COL13A1: variants seen among roughly 807,000 people sequenced by gnomAD.
COL13A1 encodes the protein collagen type XIII alpha 1 chain.
Under a neutral mutation model 130.9 loss-of-function variants are expected in COL13A1, and 89 were observed. The observed-to-expected ratio is 0.68, with a 90% CI of 0.57 to 0.81. The LOEUF is 0.81. COL13A1 is among the 30% of genes least tolerant of loss of function. The pLI, the probability that COL13A1 is intolerant of heterozygous loss-of-function variation, is 0.00. For missense variants in COL13A1, 879 were observed against 934.6 expected (o/e 0.94, Z 0.78); for synonymous variants, 402 against 341.6 (o/e 1.18, Z -1.95).
chr10:69,866,193 G>A (rs2058495862), intron 2 of COL13A1, among the ~76,000 whole-genome samples: 1 of 152,194 alleles, frequency 6.6e-6, no homozygotes, highest in Admixed American at 6.5e-5. Context: ...GGCTGCATCT[G>A]GTGACACCTA....
intron 17 of COL13A1, among the ~76,000 whole-genome samples, chr10:69,909,945 A>T (rs2135347028): frequency 6.6e-6 from 1 of 152,310 alleles, no homozygotes; most frequent in African/African-American, 2.4e-5. Context: ...ACAGCTAGTA[A>T]ACAGCCATGC....
chr10:69,943,384 G>T (rs1285112314), intron 35 of COL13A1, among the ~76,000 whole-genome samples: 2 of 152,224 alleles, frequency 1.3e-5, no homozygotes, highest in Non-Finnish European at 2.9e-5. Context: ...ACTTGGTCTG[G>T]CCAGGCTGTG....
intron 2 of COL13A1, among the ~76,000 whole-genome samples, chr10:69,847,333 T>A (rs1853434107): frequency 6.6e-6 from 1 of 152,238 alleles, no homozygotes; most frequent in South Asian, 2.1e-4. Flanking sequence ...CATACCATTC[T>A]GTCTCCAAAA....
Position 69,902,848 on chromosome 10 carries a change from G to T in COL13A1, c.851G>T (p.Gly284Val). 2 of 1,532,904 alleles carry T rather than the reference G, an allele frequency of 1.3e-6. No homozygotes were observed. The highest frequency in any genetic ancestry group is 1.8e-6 in the Non-Finnish European group (2 of 1,136,692). The allele number at this position is 1,532,904 out of a possible 1,614,324, so 95.0% of individuals were successfully genotyped here. The change falls in exon 15 of 41, where the codon GGG becomes GTG. Residue 284 changes from glycine (G) to valine (V), a missense_variant. By Grantham distance (109) the Gly-to-Val change is moderately radical. Around this residue, in one of 3 missense-constraint regions of COL13A1, gnomAD observed 715 missense variants for 721.0 expected, o/e 0.99. Transcript: ENST00000645393. ...LGHPGLPGPM[G>V]PPGLPGPPGP... ...CACCCAGGACTGCCAGGGCCTATGG[G>T]GCCACCTGTAAGTATTCCCTTCCTC...
At chr10:69,837,847 T>C (rs1850516553) in intron 2 of COL13A1, among the ~76,000 whole-genome samples, 1 of 152,242 alleles carries the variant, frequency 6.6e-6, no homozygotes, top group Non-Finnish European at 1.5e-5. Context: ...AAGCTGAAGC[T>C]GGGGCCAATT....
intron 2 of COL13A1, among the ~76,000 whole-genome samples, chr10:69,844,880 A>G (rs1852580477): frequency 6.6e-6 from 1 of 152,186 alleles, no homozygotes; most frequent in Non-Finnish European, 1.5e-5. Context: ...TTTGCTCCTG[A>G]GCTGATTTAC....
chr10:69,925,638 G>A (rs990753475), intron 25 of COL13A1, among the ~76,000 whole-genome samples, 166 bp from the exon 26 acceptor site: 13 of 152,218 alleles, frequency 8.5e-5, no homozygotes, highest in Non-Finnish European at 1.0e-4. Flanking sequence ...TGCAATCCCC[G>A]AGCATCCTCT....
chr10:69,811,134 C>T (rs12772368), intron 1 of COL13A1, among the ~76,000 whole-genome samples: 23,208 of 152,222 alleles, frequency 0.15, 1,878 homozygotes, highest in Admixed American at 0.25. Flanking sequence ...TGCCTGCCTC[C>T]TCAAGTCTGG....
chr10:69,953,527 G>T (rs183955311), intron 39 of COL13A1, among the ~76,000 whole-genome samples: 148 of 152,320 alleles, frequency 9.7e-4, no homozygotes, highest in African/African-American at 3.3e-3. Context: ...CTTTAAAGCT[G>T]CAGACCAGAA....
intron 1 of COL13A1, among the ~76,000 whole-genome samples, chr10:69,809,740 C>A (rs929167263): frequency 1.3e-5 from 2 of 152,218 alleles, no homozygotes; most frequent in African/African-American, 4.8e-5. Flanking sequence ...ACTGCCTTGG[C>A]GTCAGGGCCG....
chr10:69,876,892 G>A (rs1400190760), intron 5 of COL13A1, among the ~76,000 whole-genome samples: 2 of 152,216 alleles, frequency 1.3e-5, no homozygotes, highest in African/African-American at 4.8e-5. Context: ...GGCCCACAGG[G>A]AAGGCTGCAA....
At chr10:69,845,975 C>A (rs1259407386) in intron 2 of COL13A1, among the ~76,000 whole-genome samples, 1 of 152,268 alleles carries the variant, frequency 6.6e-6, no homozygotes, top group African/African-American at 2.4e-5. Context: ...GAGGCAGGGA[C>A]AGGGATAGTG....
At chr10:69,919,014 G>T (rs1403183428) in intron 19 of COL13A1, 48 bp from the exon 20 acceptor site, 3 of 1,613,494 alleles carry the variant, frequency 1.9e-6, no homozygotes, top group Admixed American at 3.3e-5. Context: ...TTGCTCATTT[G>T]TTTCTGCTTT....
At chr10:69,905,744 C>A in intron 16 of COL13A1, 43 bp from the exon 17 acceptor site, 1 of 1,606,528 alleles carries the variant, frequency 6.2e-7, no homozygotes, top group African/African-American at 1.3e-5. Flanking sequence ...CAAAGTTTGG[C>A]AGTGGGAAAA....
chr10:69,886,134 G>A (rs1249034246), intron 7 of COL13A1, among the ~76,000 whole-genome samples: 1 of 152,172 alleles, frequency 6.6e-6, no homozygotes, highest in Non-Finnish European at 1.5e-5. Context: ...GCTTGACAAG[G>A]ACAAACTTTC....
At chr10:69,856,037 G>GGA (rs1186499890) in intron 2 of COL13A1, among the ~76,000 whole-genome samples, 1 of 152,224 alleles carries the variant, frequency 6.6e-6, no homozygotes, top group Non-Finnish European at 1.5e-5. Flanking sequence ...CTGTGGAATT[G>GGA]GAGCAGTTCA....
At chr10:69,905,917 C>T in intron 17 of COL13A1, 95 bp downstream of exon 17, 2 of 1,419,270 alleles carry the variant, frequency 1.4e-6, no homozygotes, top group Non-Finnish European at 9.7e-7. Context: ...CCCTTCCAAC[C>T]TAGGTGGCTG....
intron 2 of COL13A1, among the ~76,000 whole-genome samples, chr10:69,848,431 G>T (rs972646529): frequency 6.6e-6 from 1 of 152,154 alleles, no homozygotes; most frequent in Non-Finnish European, 1.5e-5. Flanking sequence ...AAGAGACTGA[G>T]GCTCAGAGAA....
chr10:69,802,857 G>A (rs897138588), intron 1 of COL13A1, 140 bp downstream of exon 1: 51 of 1,095,836 alleles, frequency 4.7e-5, no homozygotes, highest in Non-Finnish European at 6.4e-5. Flanking sequence ...GAGGGGTCGG[G>A]GACACGGACA....
Sources: gnomAD v4.1 joint callset for allele counts (sites outside exome capture counted in the v4.1 genomes callset) on GRCh38, gnomAD v4.1.1 for gene constraint, gnomAD v4.1.1 regional missense constraint, MANE v1.5 for transcripts, NCBI Gene and HGNC (gene_info 2026-07-23, HGNC 2026-07-21) for gene names.